The following SHOC1 variants were observed in gnomAD, a reference collection of about 807,000 sequenced individuals.
SHOC1 encodes shortage in chiasmata 1.
A neutral mutation model predicts 179.2 loss-of-function variants in SHOC1; 136 were observed. The ratio of observed to expected loss-of-function variants is 0.76; its 90% CI spans 0.66 to 0.87. SHOC1 has a LOEUF of 0.87. Ranked by LOEUF, SHOC1 falls within the 40% of genes least tolerant of loss-of-function variation. The pLI, the probability that SHOC1 is intolerant of heterozygous loss-of-function variation, is 0.00. For synonymous variants in SHOC1, 489 were observed against 586.6 expected (o/e 0.83, Z 2.41); for missense variants, 1,538 against 1,700.8 (o/e 0.90, Z 1.68).
intron 16 of SHOC1, among the ~76,000 whole-genome samples, chr9:111,714,973 T>G (rs1280472988): frequency 1.3e-5 from 2 of 152,200 alleles, no homozygotes; most frequent in African/African-American, 2.4e-5. Context: ...AAGTGGAATT[T>G]TCTTGGTATT....
At position 111,748,257 on chromosome 9, in the gene SHOC1, C is replaced by A. The variant is rs148707497; in HGVS notation, c.863-58G>T. 2.8e-3 allele frequency: 3,427 copies of A among 1,226,696 alleles called. 69 individuals carry two copies. In the Admixed American group the frequency reaches 0.047, roughly 17 times the overall value. The allele number at this position is 1,226,696 out of a possible 1,614,324, so 76.0% of individuals were successfully genotyped here. A position where few individuals can be genotyped will look rare whatever the true frequency, so the allele number is the denominator to read the frequency against. ...GTACCATTAAATTAATTTTCTGTAA[C>A]CTTGTTCAGTGGCATTTTCCTTTTA... On this transcript the variant is annotated intron_variant, in intron 8 of 27. Coordinates refer to ENST00000682961, the MANE Select transcript of SHOC1 (RefSeq NM_001378211.1).
At chr9:111,739,487 CCT>C (rs538897341) in intron 11 of SHOC1, among the ~76,000 whole-genome samples, 325 of 152,166 alleles carry the variant, frequency 2.1e-3, no homozygotes, top group South Asian at 6.0e-3. Context: ...TCCCCCAACC[CCT>C]GTCCCACTGT....
chr9:111,721,396 G>A (rs575068785), intron 15 of SHOC1, among the ~76,000 whole-genome samples: 3 of 152,312 alleles, frequency 2.0e-5, no homozygotes, highest in South Asian at 4.1e-4. Context: ...CTGGAATGCA[G>A]TGGTGTGATC....
intron 5 of SHOC1, among the ~76,000 whole-genome samples, chr9:111,764,042 G>A (rs1835253056): frequency 6.6e-6 from 1 of 152,194 alleles, no homozygotes. Context: ...GAAAATTCCA[G>A]AAATAGACAA....
At chr9:111,733,474 C>A (rs1833683006) in intron 12 of SHOC1, among the ~76,000 whole-genome samples, 1 of 152,136 alleles carries the variant, frequency 6.6e-6, no homozygotes, top group Non-Finnish European at 1.5e-5. Flanking sequence ...GCTAACACCT[C>A]CAGCCAATTG....
At chr9:111,748,903 C>T (rs191396152) in intron 8 of SHOC1, among the ~76,000 whole-genome samples, 57 of 132,922 alleles carry the variant, frequency 4.3e-4, no homozygotes, top group African/African-American at 1.5e-3. Context: ...GGCTTTCTTT[C>T]TTCCCTCCCT....
In SHOC1 at chr9:111,722,527, GT is replaced by G. The variant is rs1285210660; in HGVS notation, c.2012del (p.Asn671ThrfsTer27). The G allele has an allele frequency of 6.2e-7, 1 of 1,609,698 alleles. No homozygotes were observed. The highest frequency in any genetic ancestry group is 1.3e-5 in the African/African-American group (1 of 74,800). On this transcript the variant is annotated frameshift_variant, in exon 15 of 28. Coordinates refer to ENST00000682961, the MANE Select transcript of SHOC1 (RefSeq NM_001378211.1). LOFTEE classifies it high-confidence loss of function. ...LEAAASPILKNLVSLCTLPTA... is the reference protein window; with the variant it reads ...LEAAASPILKXLVSLCTLPTA... ...TAGGGAGGGTACACAAGGATACAAG[GT>G]TTTTTAAGATAGGAGAAGCTGCTGC... is the stretch of plus-strand genomic sequence containing the variant.
At chr9:111,703,209 G>A (rs1306382865) in intron 22 of SHOC1, among the ~76,000 whole-genome samples, 1 of 152,106 alleles carries the variant, frequency 6.6e-6, no homozygotes, top group Non-Finnish European at 1.5e-5. Context: ...ATCTCTAATA[G>A]AGTTGTGTTT....
At chr9:111,768,228 ATT>A (rs34176159) in intron 5 of SHOC1, among the ~76,000 whole-genome samples, 7 of 142,600 alleles carry the variant, frequency 4.9e-5, no homozygotes, top group Admixed American at 7.1e-5. Flanking sequence ...TGTATGTTAA[ATT>A]TTTTTTTTTT....
intron 5 of SHOC1, among the ~76,000 whole-genome samples, chr9:111,761,794 C>T (rs905014051): frequency 2.0e-4 from 31 of 151,960 alleles, no homozygotes; most frequent in Non-Finnish European, 4.3e-4. Context: ...CTTTTTTATG[C>T]CCAGCTTGTC....
chr9:111,722,856 T>C (rs1246041908), intron 14 of SHOC1, among the ~76,000 whole-genome samples: 1 of 152,120 alleles, frequency 6.6e-6, no homozygotes, highest in African/African-American at 2.4e-5. Flanking sequence ...GGCTGGAGTG[T>C]AGTGGCGCCA....
chr9:111,700,596 T>C (rs12005705), intron 23 of SHOC1, among the ~76,000 whole-genome samples: 8,665 of 152,230 alleles, frequency 0.057, 623 homozygotes, highest in African/African-American at 0.17. Context: ...GCTTATATTA[T>C]GAAGAAGTCC....
At chr9:111,770,399 T>C (rs1835554552) in intron 5 of SHOC1, among the ~76,000 whole-genome samples, 1 of 152,212 alleles carries the variant, frequency 6.6e-6, no homozygotes, top group Admixed American at 6.5e-5. Flanking sequence ...ATATGATTTC[T>C]ATTTTGAAAA....
At chr9:111,783,276 C>A (rs1475469269) in intron 3 of SHOC1, 2 of 152,186 alleles carry the variant, frequency 1.3e-5, no homozygotes, top group East Asian at 1.9e-4. Flanking sequence ...ATCTTCTCAA[C>A]ATACTCCAAT....
intron 22 of SHOC1, among the ~76,000 whole-genome samples, chr9:111,702,498 T>C (rs529252903): frequency 1.3e-5 from 2 of 152,316 alleles, no homozygotes; most frequent in Admixed American, 1.3e-4. Context: ...GGAGTGCCCC[T>C]AGTTTGGCAC....
chr9:111,746,423 C>T lies in SHOC1; in HGVS notation c.971-81G>A, dbSNP rs950562866. The T allele has an allele frequency of 4.8e-6, 4 of 836,738 alleles. No homozygotes were observed. In the African/African-American group the frequency reaches 6.8e-5, roughly 14 times the overall value. 51.8% of individuals were successfully genotyped at this position (836,738 alleles called of 1,614,324 possible). A position where few individuals can be genotyped will look rare whatever the true frequency, so the allele number is the denominator to read the frequency against. On this transcript the variant is annotated intron_variant, in intron 9 of 27. Coordinates refer to ENST00000682961, the MANE Select transcript of SHOC1 (RefSeq NM_001378211.1). ...GGCGTGGTGGCTCACACCTGTAATT[C>T]TAACACTTTGGGAGGCTGAGGTAGG...
intron 2 of SHOC1, among the ~76,000 whole-genome samples, chr9:111,789,459 T>C (rs1836376907): frequency 6.6e-6 from 1 of 152,206 alleles, no homozygotes; most frequent in African/African-American, 2.4e-5. Context: ...AAAGATATTT[T>C]TAGAAAATGT....
At position 111,738,376 on chromosome 9, in the gene SHOC1, A is replaced by G. The variant is rs112508996; in HGVS notation, c.1321T>C (p.Leu441=). The G allele has an allele frequency of 7.4e-6, 12 of 1,613,324 alleles. No homozygotes were observed. Among genetic ancestry groups the G allele is most frequent in the African/African-American group, 5.3e-5 (4 of 75,006 alleles). ...AGLNLKMMET[L]EHLNTYLCHD... Reference sequence around the variant, plus strand: ...CATAAATATGTATTCAGATGTTCCAATGTTTCCATCATTTTCAGATTTAGT... The same window carrying G: ...CATAAATATGTATTCAGATGTTCCAGTGTTTCCATCATTTTCAGATTTAGT... The change falls in exon 12 of 28, where the codon TTG becomes CTG. Residue 441 remains leucine, a synonymous_variant. Coordinates refer to ENST00000682961, the MANE Select transcript of SHOC1 (RefSeq NM_001378211.1).
At chr9:111,792,974 C>T (rs1251738061) in intron 1 of SHOC1, among the ~76,000 whole-genome samples, 1 of 152,074 alleles carries the variant, frequency 6.6e-6, no homozygotes, top group Admixed American at 6.5e-5. Flanking sequence ...GTTCCGCCTC[C>T]CAGGTTCACG....
Sources: gnomAD v4.1 joint callset for allele counts (sites outside exome capture counted in the v4.1 genomes callset) on GRCh38, gnomAD v4.1.1 for gene constraint, MANE v1.5 for transcripts, NCBI Gene and HGNC (gene_info 2026-07-23, HGNC 2026-07-21) for gene names.